CAD: variants seen among roughly 807,000 people sequenced by gnomAD.
The protein encoded by CAD is multifunctional protein CAD.
A neutral mutation model predicts 237.2 loss-of-function variants in CAD; 81 were observed. That is an observed-to-expected ratio of 0.34 (90% CI 0.29 to 0.41). The LOEUF is 0.41. Among genes scored for constraint, CAD ranks in the 10% least tolerant of loss-of-function variants. The pLI is 1.00. For missense variants in CAD, 2,181 were observed against 2,951.7 expected (o/e 0.74, Z 6.05); for synonymous variants, 1,196 against 1,162.8 (o/e 1.03, Z -0.58).
Position 27,233,612 on chromosome 2 carries a change from C to A in CAD, c.3217-14C>A, listed in dbSNP as rs746857830. 1 of 1,614,060 alleles carries A rather than the reference C, an allele frequency of 6.2e-7. No homozygotes were observed. Among genetic ancestry groups the A allele is most frequent in the East Asian group, 2.2e-5 (1 of 44,886 alleles). On this transcript the variant is annotated splice_polypyrimidine_tract_variant and intron_variant, in intron 20 of 43. Transcript: ENST00000264705. This position sits in a 1 kb window ranked among gnomAD's most constrained non-coding sequence, Gnocchi z 6.3. ...AAGTGTGAACAACTCAGCTAAGCTC[C>A]CTGCCTCCTGTAGTCTGCTCGCCAA...
At chr2:27,231,006 GTTTGT>G (rs903114371) in intron 15 of CAD, among the ~76,000 whole-genome samples, 2 of 152,152 alleles carry the variant, frequency 1.3e-5, no homozygotes, top group African/African-American at 4.8e-5. Flanking sequence ...TTGTTTGTTT[GTTTGT>G]TTTGTTTTGT....
chr2:27,226,087 C>T (rs779368267), intron 12 of CAD, 44 bp from the exon 13 acceptor site: 3 of 1,589,260 alleles, frequency 1.9e-6, no homozygotes, highest in African/African-American at 2.7e-5. Flanking sequence ...TCTGCCTCTC[C>T]TGACTCTGCT....
rs1362366603 is a variant in CAD at position 27,235,902 on chromosome 2, C to T, written c.4074+262C>T. 2 of 490,758 alleles carry T rather than the reference C, an allele frequency of 4.1e-6. No individual in the cohort carries two copies. The highest frequency in any genetic ancestry group is 3.5e-5 in the East Asian group (1 of 28,460). The allele number at this position is 490,758 out of a possible 1,614,324, so 30.4% of individuals were successfully genotyped here. On this transcript the variant is annotated intron_variant, in intron 25 of 43. Coordinates refer to ENST00000264705, the MANE Select transcript of CAD (RefSeq NM_004341.5). The surrounding 1 kb of genome is among the most constrained non-coding windows in gnomAD (Gnocchi z 5.2). ...AAAAAAAAAAACAAAGAATTATCTC[C>T]TATTCCCCTGCTTTTATTATTACCA...
chr2:27,233,184 C>A lies in CAD; in HGVS notation c.2991+44C>A, dbSNP rs747315102. On this transcript the variant is annotated intron_variant, in intron 19 of 43. Transcript: ENST00000264705. The surrounding 1 kb of genome is among the most constrained non-coding windows in gnomAD (Gnocchi z 6.3). Reference sequence around the variant, plus strand: ...TCCTGGTAGCTTGAGTGGCCAGGGTCGAGTAGAACAGCTGGCTGACCTAAG... The same window carrying A: ...TCCTGGTAGCTTGAGTGGCCAGGGTAGAGTAGAACAGCTGGCTGACCTAAG... 2 of 1,510,968 alleles carry A rather than the reference C, an allele frequency of 1.3e-6. No individual in the cohort carries two copies. Among genetic ancestry groups the A allele is most frequent in the Non-Finnish European group, 1.8e-6 (2 of 1,086,438 alleles). 93.6% of individuals were successfully genotyped at this position (1,510,968 alleles called of 1,614,324 possible). A position where few individuals can be genotyped will look rare whatever the true frequency, so the allele number is the denominator to read the frequency against.
chr2:27,222,730 T>C, intron 5 of CAD, 70 bp downstream of exon 5: 1 of 1,590,152 alleles, frequency 6.3e-7, no homozygotes, highest in Non-Finnish European at 8.6e-7. Context: ...CTTGGTCCAA[T>C]TGCTAAAAGT....
Position 27,233,440 on chromosome 2 carries a change from A to G in CAD, c.3120A>G (p.Glu1040=). The change falls in exon 20 of 44, where the codon GAA becomes GAG. Residue 1040 remains glutamate, a synonymous_variant. Transcript: ENST00000264705. The surrounding 1 kb of genome is among the most constrained non-coding windows in gnomAD (Gnocchi z 6.3). ...GCCGGGTGCTGGGCACCTCCCCTGA[A>G]GCCATTGACTCGGCTGAGAACCGTT... ...QQCRVLGTSP[E]AIDSAENRFK... is the part of the protein sequence containing the mutation. The G allele has an allele frequency of 6.2e-7, 1 of 1,614,222 alleles. No homozygotes were observed. The highest frequency in any genetic ancestry group is 8.5e-7 in the Non-Finnish European group (1 of 1,180,032).
intron 11 of CAD, 97 bp downstream of exon 11, chr2:27,225,340 C>T (rs1033443820): frequency 5.8e-6 from 4 of 687,248 alleles, no homozygotes. Flanking sequence ...GAGTTTCGCT[C>T]TTGTTGCGCA....
At chr2:27,224,519 G>C in intron 9 of CAD, 29 bp downstream of exon 9, 2 of 1,608,692 alleles carry the variant, frequency 1.2e-6, no homozygotes, top group South Asian at 2.2e-5. Context: ...CACCCTTCTG[G>C]GCGTGTGACC....
In CAD at chr2:27,242,301, G is replaced by A. The variant is rs1209272457; in HGVS notation, c.6097-1G>A. 1 of 1,603,798 alleles carries A rather than the reference G, an allele frequency of 6.2e-7. No homozygotes were observed. Among genetic ancestry groups the A allele is most frequent in the African/African-American group, 1.3e-5 (1 of 74,440 alleles). ...AGACAGGATTTTCCCCTTTTTTCCAGCTGGCCGCCAAGCACTGCCGGAGGC... is the reference window on the plus strand; with the variant it reads ...AGACAGGATTTTCCCCTTTTTTCCAACTGGCCGCCAAGCACTGCCGGAGGC... On this transcript the variant is annotated splice_acceptor_variant, in intron 39 of 43. Coordinates refer to ENST00000264705, the MANE Select transcript of CAD (RefSeq NM_004341.5). LOFTEE classifies it high-confidence loss of function. The surrounding 1 kb of genome is among the most constrained non-coding windows in gnomAD (Gnocchi z 6.4).
intron 15 of CAD, among the ~76,000 whole-genome samples, chr2:27,228,213 G>A (rs1675538072): frequency 1.3e-5 from 2 of 152,144 alleles, no homozygotes. Flanking sequence ...AAATCAATAA[G>A]CAAACCTAGA....
At chr2:27,217,756 C>T in intron 1 of CAD, 121 bp from the exon 2 acceptor site, 1 of 1,429,546 alleles carries the variant, frequency 7.0e-7, no homozygotes, top group South Asian at 1.3e-5. Context: ...ATTCGGTGCC[C>T]ATGGGCCCCA....
At position 27,242,467 on chromosome 2, in the gene CAD, G is replaced by A. The variant is rs761440010; in HGVS notation, c.6222+40G>A. On this transcript the variant is annotated intron_variant, in intron 40 of 43. Transcript: ENST00000264705. This position sits in a 1 kb window ranked among gnomAD's most constrained non-coding sequence, Gnocchi z 6.4. ...AGGGTTTGGATCCCTGCCAGGGGAC[G>A]ATCTAGAGAGGGAGGCAGGAAGTGG... is the stretch of plus-strand genomic sequence containing the variant. 25 of 1,600,668 alleles carry A rather than the reference G, an allele frequency of 1.6e-5. No individual in the cohort carries two copies. The highest frequency in any genetic ancestry group is 1.3e-5 in the African/African-American group (1 of 74,660).
At chr2:27,222,406 G>A (rs2148059330) in intron 4 of CAD, 70 bp downstream of exon 4, 2 of 1,583,000 alleles carry the variant, frequency 1.3e-6, no homozygotes, top group African/African-American at 1.3e-5. Flanking sequence ...CAATTGGGGG[G>A]TGAACACAGG....
chr2:27,223,064 C>T, intron 6 of CAD, 27 bp downstream of exon 6: 3 of 1,611,282 alleles, frequency 1.9e-6, no homozygotes, highest in Non-Finnish European at 2.5e-6. Flanking sequence ...GCAGAAGGGG[C>T]CCATACTTGT....
At chr2:27,228,891 C>T (rs149973470) in intron 15 of CAD, among the ~76,000 whole-genome samples, 135 of 149,792 alleles carry the variant, frequency 9.0e-4, no homozygotes, top group African/African-American at 3.2e-3. Context: ...GGCCGAGACC[C>T]TGTCTCTTTT....
In CAD at chr2:27,242,980, G is replaced by T. The variant is rs374473260; in HGVS notation, c.6480+7G>T. 2 of 1,588,224 alleles carry T rather than the reference G, an allele frequency of 1.3e-6. No individual in the cohort carries two copies. Among genetic ancestry groups the T allele is most frequent in the African/African-American group, 1.3e-5 (1 of 74,490 alleles). On this transcript the variant is annotated splice_region_variant and intron_variant, in intron 42 of 43. Transcript: ENST00000264705. The surrounding 1 kb of genome is among the most constrained non-coding windows in gnomAD (Gnocchi z 6.4). ...TACCCAGGAGTACGAAGCTGTGAGTGCTGGGCTTGAGGAAGAAGCCAGGGC... is the reference window on the plus strand; with the variant it reads ...TACCCAGGAGTACGAAGCTGTGAGTTCTGGGCTTGAGGAAGAAGCCAGGGC...
At chr2:27,224,287 G>C in intron 8 of CAD, 58 bp from the exon 9 acceptor site, 1 of 1,594,634 alleles carries the variant, frequency 6.3e-7, no homozygotes, top group Non-Finnish European at 8.6e-7. Context: ...AGCTAATCCA[G>C]TTGACCTCTT....
rs767257249 is a variant in CAD at position 27,239,744 on chromosome 2, G to C, written c.5442G>C (p.Gln1814His). The C allele has an allele frequency of 1.9e-6, 3 of 1,592,682 alleles. No homozygotes were observed. The highest frequency in any genetic ancestry group is 2.6e-6 in the Non-Finnish European group (3 of 1,169,042). ...GYGQDVRKWPQGAVPQLPPSA... is the reference protein window; with the variant it reads ...GYGQDVRKWPHGAVPQLPPSA... ...GACAGGATGTACGGAAGTGGCCACAGGGGGCTGTTCCTCAGCTCCCACCCT... is the reference window on the plus strand; with the variant it reads ...GACAGGATGTACGGAAGTGGCCACACGGGGCTGTTCCTCAGCTCCCACCCT... Residue 1814 changes from glutamine (Q) to histidine (H), a missense_variant, in exon 34 of 44, where the codon CAG becomes CAC. Transcript: ENST00000264705. This position sits in a 1 kb window ranked among gnomAD's most constrained non-coding sequence, Gnocchi z 4.0.
Position 27,240,969 on chromosome 2 carries a change from C to A in CAD, c.5638+14C>A, listed in dbSNP as rs1169827142. 12 of 1,614,124 alleles carry A rather than the reference C, an allele frequency of 7.4e-6. No homozygotes were observed. Among genetic ancestry groups the A allele is most frequent in the Non-Finnish European group, 1.0e-5 (12 of 1,179,996 alleles). ...TAGCCGAGCCAGGTGAGACTCCACCCTGACACACACTCACCTCGGGGACCT... is the reference window on the plus strand; with the variant it reads ...TAGCCGAGCCAGGTGAGACTCCACCATGACACACACTCACCTCGGGGACCT... On this transcript the variant is annotated intron_variant, in intron 36 of 43. Coordinates refer to ENST00000264705, the MANE Select transcript of CAD (RefSeq NM_004341.5). The surrounding 1 kb of genome is among the most constrained non-coding windows in gnomAD (Gnocchi z 4.6).
Sources: gnomAD v4.1 joint callset for allele counts (sites outside exome capture counted in the v4.1 genomes callset) on GRCh38, gnomAD v4.1.1 for gene constraint, Gnocchi (gnomAD v3.1) non-coding constraint, MANE v1.5 for transcripts, NCBI Gene and HGNC (gene_info 2026-07-23, HGNC 2026-07-21) for gene names.